The following LCP1 variants were observed in gnomAD, a reference collection of about 807,000 sequenced individuals.
LCP1 encodes the protein plastin-2.
In LCP1, 23 loss-of-function variants were observed where a neutral mutation model predicts 72.0. That is an observed-to-expected ratio of 0.32 (90% CI 0.23 to 0.45). The LOEUF (loss-of-function observed/expected upper bound fraction) is 0.45, where lower values mean the gene tolerates loss of function less well. Among genes scored for constraint, LCP1 ranks in the 20% least tolerant of loss-of-function variants. The pLI is 1.00. For synonymous variants in LCP1, 245 were observed against 275.4 expected (o/e 0.89, Z 1.09); for missense variants, 571 against 748.3 (o/e 0.76, Z 2.76).
intron 1 of LCP1, among the ~76,000 whole-genome samples, chr13:46,167,433 T>C (rs1184063241): frequency 6.6e-6 from 1 of 152,140 alleles, no homozygotes; most frequent in Non-Finnish European, 1.5e-5. Context: ...CCCAATCCCA[T>C]TAAGGGTGTG....
intron 1 of LCP1, among the ~76,000 whole-genome samples, chr13:46,177,520 G>A (rs1370106465): frequency 1.3e-5 from 2 of 151,872 alleles, no homozygotes; most frequent in Non-Finnish European, 2.9e-5. Flanking sequence ...GGCGCCTGTA[G>A]TCCCAGCTAC....
chr13:46,177,105 A>G (rs1480889980), intron 1 of LCP1, among the ~76,000 whole-genome samples: 2 of 152,228 alleles, frequency 1.3e-5, no homozygotes, highest in African/African-American at 4.8e-5. Context: ...TGACACAGCC[A>G]TGGCTCTGAA....
chr13:46,163,633 T>TAAA (rs575609187), intron 1 of LCP1, among the ~76,000 whole-genome samples: 7 of 109,232 alleles, frequency 6.4e-5, no homozygotes, highest in Non-Finnish European at 8.1e-5. Flanking sequence ...AATGATCAAT[T>TAAA]AAAAAAAAAA....
chr13:46,127,704 G>A lies in LCP1; in HGVS notation c.1771C>T (p.Arg591Ter), dbSNP rs1447291780. Residue 591 changes from arginine (R) to a stop codon, truncating the protein, a stop_gained, in exon 16 of 16, where the codon CGA becomes TGA. Transcript: ENST00000323076. LOFTEE classifies it high-confidence loss of function. ...GCATACACTCTTGCTCCAATTTTTC[G>A]GGCCATAGAGATGGCATATCTAAAA... ...NNAKYAISMA[R>*]KIGARVYALP... 1.2e-6 allele frequency: 2 copies of A among 1,613,870 alleles called. No homozygotes were observed. The highest frequency in any genetic ancestry group is 1.7e-5 in the Admixed American group (1 of 59,988).
intron 15 of LCP1, among the ~76,000 whole-genome samples, chr13:46,128,168 G>C (rs944972115): frequency 2.0e-5 from 3 of 152,110 alleles, no homozygotes; most frequent in African/African-American, 7.2e-5. Context: ...CACACCAGGA[G>C]TATTCTCTTG....
intron 9 of LCP1, among the ~76,000 whole-genome samples, chr13:46,147,621 A>G (rs1287210399): frequency 6.6e-6 from 1 of 152,214 alleles, no homozygotes; most frequent in Non-Finnish European, 1.5e-5. Flanking sequence ...AATAAATTTT[A>G]TCAGTTAACC....
At chr13:46,162,956 C>A (rs1381305399) in intron 1 of LCP1, among the ~76,000 whole-genome samples, 2 of 151,938 alleles carry the variant, frequency 1.3e-5, no homozygotes, top group African/African-American at 2.4e-5. Context: ...GGCAGCCACC[C>A]CGTCTGGGAA....
chr13:46,155,008 A>C, intron 5 of LCP1, 122 bp from the exon 6 acceptor site: 2 of 752,262 alleles, frequency 2.7e-6, no homozygotes, highest in Non-Finnish European at 4.5e-6. Context: ...TGTGATGTTT[A>C]GATATAAAAT....
At position 46,138,561 on chromosome 13, in the gene LCP1, AT is replaced by A. The variant is rs1243658413; in HGVS notation, c.1502+3730del. 4.6e-5 allele frequency among the ~76,000 whole-genome samples: 7 copies of A among 152,346 alleles called. 1 individual carries two copies. Among genetic ancestry groups the A allele is most frequent in the Admixed American group, 4.6e-4 (7 of 15,298 alleles). On this transcript the variant is annotated intron_variant, in intron 13 of 15. Transcript: ENST00000323076. ...GCCATTAAATAGGGCTTTGAGCCAC[AT>A]TTTTATAAAACATCCAAAGATCATA...
chr13:46,128,601 A>G (rs2045615569), intron 15 of LCP1, among the ~76,000 whole-genome samples: 1 of 150,520 alleles, frequency 6.6e-6, no homozygotes, highest in Non-Finnish European at 1.5e-5. Context: ...CCGTCTCAGA[A>G]AAAAAAAAAA....
rs1464894023 is a variant in LCP1 at position 46,177,673 on chromosome 13, TG to T, written c.-25+4437del. ...GAGATCGCGCCACTGCACTCCAGCCTGGGCGACAGAGTGAAACTCTGTCTCA... is the reference window on the plus strand; with the variant it reads ...GAGATCGCGCCACTGCACTCCAGCCTGGCGACAGAGTGAAACTCTGTCTCA... On this transcript the variant is annotated intron_variant, in intron 1 of 15. Coordinates refer to ENST00000323076, the MANE Select transcript of LCP1 (RefSeq NM_002298.5). Among the ~76,000 whole-genome samples, 3 of 152,156 alleles carry T rather than the reference TG, an allele frequency of 2.0e-5. No homozygotes were observed. In the East Asian group the frequency reaches 5.8e-4, roughly 29 times the overall value.
intron 1 of LCP1, among the ~76,000 whole-genome samples, chr13:46,170,465 C>G (rs2045899512): frequency 6.6e-6 from 1 of 151,956 alleles, no homozygotes; most frequent in Admixed American, 6.6e-5. Flanking sequence ...GGCAGTGGGT[C>G]TCTATCCAAC....
At chr13:46,159,574 A>G in intron 2 of LCP1, 25 bp downstream of exon 2, 1 of 1,597,916 alleles carries the variant, frequency 6.3e-7, no homozygotes, top group East Asian at 2.2e-5. Context: ...AGAATGATGC[A>G]ATTTGGGGTA....
At chr13:46,150,875 T>C in intron 8 of LCP1, 61 bp downstream of exon 8, 1 of 1,544,364 alleles carries the variant, frequency 6.5e-7, no homozygotes. Flanking sequence ...CTTTTCTTTA[T>C]TATTGCCCAA....
chr13:46,131,312 G>A (rs1593940888), intron 14 of LCP1, among the ~76,000 whole-genome samples: 2 of 152,162 alleles, frequency 1.3e-5, no homozygotes, highest in African/African-American at 4.8e-5. Context: ...AGATACCACT[G>A]CACACCATTC....
chr13:46,168,422 C>T (rs1593963031), intron 1 of LCP1: 1 of 152,316 alleles, frequency 6.6e-6, no homozygotes, highest in South Asian at 2.1e-4. Context: ...CCCAGCCCAG[C>T]CTCGCTCCTG....
At chr13:46,131,063 G>T in intron 14 of LCP1, 125 bp from the exon 15 acceptor site, 1 of 964,726 alleles carries the variant, frequency 1.0e-6, no homozygotes, top group Non-Finnish European at 1.5e-6. Context: ...GGGAAATGCA[G>T]CAGTATTCCA....
Position 46,127,477 on chromosome 13 carries a change from A to T in LCP1, c.*114T>A. 2 of 1,347,636 alleles carry T rather than the reference A, an allele frequency of 1.5e-6. No homozygotes were observed. Among genetic ancestry groups the T allele is most frequent in the Non-Finnish European group, 2.0e-6 (2 of 984,346 alleles). 83.5% of individuals were successfully genotyped at this position (1,347,636 alleles called of 1,614,324 possible). On this transcript the variant is annotated 3_prime_UTR_variant, in exon 16 of 16. Transcript: ENST00000323076. ...GGCTGCACTAATATGTGCTTTTTGG[A>T]ATCTTATAGAGTGTCACCAAGTTGA...
At chr13:46,134,932 G>A (rs1017808820) in intron 13 of LCP1, among the ~76,000 whole-genome samples, 53 of 151,672 alleles carry the variant, frequency 3.5e-4, no homozygotes, top group African/African-American at 1.3e-3. Context: ...AACGAAACCC[G>A]GTCTCTACCA....
Sources: allele counts gnomAD v4.1 joint callset (sites outside exome capture counted in the v4.1 genomes callset), GRCh38; gene constraint gnomAD v4.1.1; transcripts MANE v1.5; gene names NCBI Gene and HGNC (gene_info 2026-07-23, HGNC 2026-07-21).